Variants in SEMA4D observed in about 807,000 individuals in gnomAD.
SEMA4D encodes the protein semaphorin 4D.
In SEMA4D, 22 loss-of-function variants were observed where a neutral mutation model predicts 74.8. The observed-to-expected ratio is 0.29, with a 90% CI of 0.21 to 0.42. The LOEUF is 0.42. Ranked by LOEUF, SEMA4D falls within the 10% of genes least tolerant of loss-of-function variation. SEMA4D has a pLI of 1.00. For missense variants in SEMA4D, 937 were observed against 1,118.4 expected (o/e 0.84, Z 2.31); for synonymous variants, 445 against 463.7 (o/e 0.96, Z 0.52).
intron 16 of SEMA4D, among the ~76,000 whole-genome samples, chr9:89,366,214 G>A (rs1033266822): frequency 6.6e-6 from 1 of 152,248 alleles, no homozygotes; most frequent in African/African-American, 2.4e-5. Flanking sequence ...ATGTATACAT[G>A]TGTGAACGTA....
intron 3 of SEMA4D, among the ~76,000 whole-genome samples, chr9:89,403,738 T>C (rs767196096): frequency 6.6e-6 from 1 of 152,186 alleles, no homozygotes; most frequent in Non-Finnish European, 1.5e-5. Context: ...TGACCTTGGC[T>C]TTTTACATAT....
chr9:89,418,341 G>A (rs1846149671), intron 2 of SEMA4D: 1 of 982,314 alleles, frequency 1.0e-6, no homozygotes, highest in Non-Finnish European at 1.2e-6. Context: ...GAACAGAGGG[G>A]AAGGGCAGCC....
intron 1 of SEMA4D, among the ~76,000 whole-genome samples, chr9:89,477,100 T>C (rs572740898): frequency 1.2e-4 from 18 of 152,194 alleles, no homozygotes; most frequent in Admixed American, 8.5e-4. Flanking sequence ...ATAAGTTCAG[T>C]AAGCCTCCTA....
At position 89,391,365 on chromosome 9, in the gene SEMA4D, C is replaced by T. The variant is rs200460697; in HGVS notation, c.673G>A (p.Asp225Asn). Residue 225 changes from aspartate (D) to asparagine (N), a missense_variant, in exon 9 of 16, where the codon GAC (aspartate) becomes AAC (asparagine). Coordinates refer to ENST00000422704, the MANE Select transcript of SEMA4D (RefSeq NM_001371194.2). ...DVIRKSPDSPDGEDDRVYFFF... is the reference protein window; with the variant it reads ...DVIRKSPDSPNGEDDRVYFFF... ...AAGTAGACCCTGTCATCCTCGCCGT[C>T]GGGGCTGTCTGGGCTTTTTCGGATC... The T allele has an allele frequency of 4.1e-5, 66 of 1,614,252 alleles. No homozygotes were observed. In the East Asian group the frequency reaches 1.3e-3, roughly 31 times the overall value.
chr9:89,485,806 A>G (rs1337707442), intron 1 of SEMA4D, among the ~76,000 whole-genome samples: 40 of 109,074 alleles, frequency 3.7e-4, no homozygotes, highest in African/African-American at 5.8e-4. Context: ...AAAAAAAAAA[A>G]AAAAAAAAGA....
intron 1 of SEMA4D, among the ~76,000 whole-genome samples, chr9:89,468,621 AAT>A (rs1295156865): frequency 3.3e-5 from 5 of 152,226 alleles, no homozygotes; most frequent in African/African-American, 4.8e-5. Flanking sequence ...AACATAAATA[AAT>A]CAGTACCTAT....
At chr9:89,395,295 C>T (rs965733854) in intron 6 of SEMA4D, among the ~76,000 whole-genome samples, 1 of 152,004 alleles carries the variant, frequency 6.6e-6, no homozygotes, top group Non-Finnish European at 1.5e-5. Context: ...CGTGGTGGCA[C>T]ATGCCTGTAA....
At chr9:89,470,779 G>C (rs557296214) in intron 1 of SEMA4D, among the ~76,000 whole-genome samples, 9 of 152,288 alleles carry the variant, frequency 5.9e-5, no homozygotes, top group Admixed American at 1.3e-4. Flanking sequence ...ACAGTGGTGA[G>C]TGAAAGAAGT....
chr9:89,383,035 C>T (rs1484212943), intron 13 of SEMA4D, among the ~76,000 whole-genome samples: 2 of 152,154 alleles, frequency 1.3e-5, no homozygotes, highest in African/African-American at 4.8e-5. Flanking sequence ...AAAAACTAAA[C>T]GACGCCACAC....
At chr9:89,473,531 G>A (rs991490943) in intron 1 of SEMA4D, among the ~76,000 whole-genome samples, 1 of 152,018 alleles carries the variant, frequency 6.6e-6, no homozygotes. Context: ...AGGTTGCAGG[G>A]AATCAGCCTG....
intron 5 of SEMA4D, 91 bp downstream of exon 5, chr9:89,399,185 G>A: frequency 9.2e-7 from 1 of 1,089,862 alleles, no homozygotes; most frequent in South Asian, 1.3e-5. Context: ...GAAAAGGCTG[G>A]CCTGCACTGC....
In SEMA4D at chr9:89,396,739, G is replaced by C; in HGVS notation, c.412C>G (p.Leu138Val). 1.2e-6 allele frequency: 2 copies of C among 1,612,858 alleles called. No homozygotes were observed. The highest frequency in any genetic ancestry group is 1.7e-6 in the Non-Finnish European group (2 of 1,179,318). Residue 138 changes from leucine to valine, a missense_variant and splice_region_variant, in exon 6 of 16, where the codon CTG becomes GTG. Physicochemically the swap from Leu to Val is conservative, Grantham distance 32. Transcript: ENST00000422704. Reference protein sequence around the residue: ...TNAFQPACDHLNLTSFKFLGK... With the variant: ...TNAFQPACDHVNLTSFKFLGK... Reference sequence around the variant, plus strand: ...AGGGAGGTGCCCATCAGCCTTACCAGGTGGTCACAGGCCGGCTGGAATGCG... The same window carrying C: ...AGGGAGGTGCCCATCAGCCTTACCACGTGGTCACAGGCCGGCTGGAATGCG...
intron 13 of SEMA4D, among the ~76,000 whole-genome samples, chr9:89,382,228 G>A (rs539390753): frequency 8.5e-5 from 13 of 152,368 alleles, no homozygotes; most frequent in African/African-American, 1.7e-4. Flanking sequence ...CCTGAAGCTC[G>A]GGGGCGTGCA....
intron 13 of SEMA4D, chr9:89,385,883 T>G: frequency 2.5e-5 from 3 of 120,260 alleles, no homozygotes; most frequent in Non-Finnish European, 3.0e-5. Flanking sequence ...CACCCACCCC[T>G]GCCAAGGGCT....
intron 9 of SEMA4D, 42 bp from the exon 10 acceptor site, chr9:89,389,089 C>A (rs1477238767): frequency 1.2e-6 from 2 of 1,607,330 alleles, no homozygotes; most frequent in Admixed American, 3.3e-5. Flanking sequence ...GAGAGTGGAT[C>A]CCCTGTGAGC....
At chr9:89,387,085 G>C in intron 12 of SEMA4D, 1 of 330,718 alleles carries the variant, frequency 3.0e-6, no homozygotes, top group Non-Finnish European at 5.6e-6. Flanking sequence ...TGCCCCCTGC[G>C]TGGGCACTGC....
intron 8 of SEMA4D, among the ~76,000 whole-genome samples, chr9:89,391,618 C>T (rs533968148): frequency 1.3e-5 from 2 of 152,292 alleles, no homozygotes; most frequent in African/African-American, 4.8e-5. Context: ...GGTGCCCTAC[C>T]CCCACCTCCT....
intron 2 of SEMA4D, among the ~76,000 whole-genome samples, chr9:89,451,102 T>C (rs569470141): frequency 6.6e-6 from 1 of 152,328 alleles, no homozygotes; most frequent in South Asian, 2.1e-4. Flanking sequence ...CAGGGCTAAA[T>C]TAGCCACCAC....
Position 89,462,954 on chromosome 9 carries a change from G to GCGAGGGGA in SEMA4D, c.-309-7002_-309-7001insTCCCCTCG, listed in dbSNP as rs1554782349. Among the ~76,000 whole-genome samples, 85 of 9,470 alleles carry GCGAGGGGA rather than the reference G, an allele frequency of 9.0e-3. 21 individuals are homozygous for GCGAGGGGA. Among genetic ancestry groups the GCGAGGGGA allele is most frequent in the South Asian group, 0.021 (4 of 188 alleles). 6.2% of individuals were successfully genotyped at this position (9,470 alleles called of 152,430 possible). On this transcript the variant is annotated intron_variant, in intron 1 of 15. Transcript: ENST00000422704. ...CAAGACTGTGCTGGAAAGAAAGGAG[G>GCGAGGGGA]GGGGAGCGAGCGAGGGGAGGGGAGC...
Sources: gnomAD v4.1 joint callset for allele counts (sites outside exome capture counted in the v4.1 genomes callset) on GRCh38, gnomAD v4.1.1 for gene constraint, MANE v1.5 for transcripts, NCBI Gene and HGNC (gene_info 2026-07-23, HGNC 2026-07-21) for gene names.